Variants in MID1 observed in about 807,000 individuals in gnomAD.
The protein encoded by MID1 is E3 ubiquitin-protein ligase Midline-1.
A neutral mutation model predicts 40.4 loss-of-function variants in MID1; 7 were observed. That is an observed-to-expected ratio of 0.17 (90% CI 0.10 to 0.33). The LOEUF (loss-of-function observed/expected upper bound fraction) is 0.33, where lower values mean the gene tolerates loss of function less well. Among genes scored for constraint, MID1 ranks in the 10% least tolerant of loss-of-function variants. MID1 has a pLI of 1.00. For synonymous variants in MID1, 229 were observed against 221.2 expected (o/e 1.04, Z -0.31); for missense variants, 367 against 558.5 (o/e 0.66, Z 3.46).
chrX:10,473,326 C>T (rs1029150221), intron 6 of MID1, among the ~76,000 whole-genome samples: 4 of 112,234 alleles, frequency 3.6e-5, no homozygotes, highest in African/African-American at 9.7e-5. Context: ...AGTTTAGTTC[C>T]ATACGGTAAA....
intron 3 of MID1, among the ~76,000 whole-genome samples, chrX:10,517,239 C>T (rs1214962363): frequency 1.8e-5 from 2 of 110,784 alleles, no homozygotes; most frequent in Admixed American, 9.6e-5. Context: ...ATTATTTTCC[C>T]GGGGAATGCT....
intron 4 of MID1, among the ~76,000 whole-genome samples, chrX:10,491,856 C>T (rs1420699536): frequency 1.8e-5 from 2 of 111,455 alleles, no homozygotes; most frequent in Non-Finnish European, 3.8e-5. Context: ...TTTAAAAATG[C>T]CCCATGTGTA....
chrX:10,779,306 G>A (rs530452677), intron 1 of MID1, among the ~76,000 whole-genome samples: 161 of 111,478 alleles, frequency 1.4e-3, no homozygotes, highest in African/African-American at 5.2e-3. Context: ...TCAGCTTCCC[G>A]AGTAGCTGGG....
intron 8 of MID1, among the ~76,000 whole-genome samples, chrX:10,456,398 G>C (rs1928670190): frequency 8.9e-6 from 1 of 112,417 alleles, no homozygotes; most frequent in Non-Finnish European, 1.9e-5. Context: ...TATAGTGAGG[G>C]GGCAGCCACG....
In MID1 at chrX:10,805,053, G is replaced by T. The variant is rs186027569; in HGVS notation, c.-187+28501C>A. On this transcript the variant is annotated intron_variant, in intron 1 of 10. Transcript: ENST00000380785. Reference sequence around the variant, plus strand: ...ATTAGGCTCCCAGTAGTTTTTTTTTGTTGTTGTTGTTGTTAATTTTATTAT... The same window carrying T: ...ATTAGGCTCCCAGTAGTTTTTTTTTTTTGTTGTTGTTGTTAATTTTATTAT... Among the ~76,000 whole-genome samples the T allele has an allele frequency of 6.2e-3, 676 of 109,291 alleles. 3 individuals are homozygous for T. The highest frequency in any genetic ancestry group is 0.015 in the East Asian group (50 of 3,440). 94.9% of individuals were successfully genotyped at this position (109,291 alleles called of 115,157 possible). A position where few individuals can be genotyped will look rare whatever the true frequency, so the allele number is the denominator to read the frequency against.
chrX:10,654,096 C>T (rs996260365), intron 1 of MID1, among the ~76,000 whole-genome samples: 26 of 111,624 alleles, frequency 2.3e-4, no homozygotes, highest in African/African-American at 7.8e-4. Context: ...CTGGCAAAGA[C>T]GGAATTCCAG....
intron 1 of MID1, among the ~76,000 whole-genome samples, chrX:10,810,246 T>C (rs2044087688): frequency 8.9e-6 from 1 of 112,355 alleles, no homozygotes; most frequent in Non-Finnish European, 1.9e-5. Context: ...AGAGACCTTT[T>C]GTAAGTGGAA....
intron 2 of MID1, among the ~76,000 whole-genome samples, chrX:10,535,240 C>A (rs1933201286): frequency 8.9e-6 from 1 of 111,740 alleles, no homozygotes; most frequent in South Asian, 3.8e-4. Context: ...GAAAGCTACC[C>A]AGGAGATTCC....
At chrX:10,489,132 T>C (rs1930787369) in intron 4 of MID1, among the ~76,000 whole-genome samples, 1 of 112,288 alleles carries the variant, frequency 8.9e-6, no homozygotes, top group South Asian at 3.7e-4. Flanking sequence ...ATATTCTGGA[T>C]ACAATCCTTT....
intron 1 of MID1, among the ~76,000 whole-genome samples, chrX:10,635,188 A>G (rs1210244956): frequency 8.9e-6 from 1 of 112,213 alleles, no homozygotes; most frequent in Non-Finnish European, 1.9e-5. Flanking sequence ...TTGTCATTCC[A>G]TCTTTGTCAA....
chrX:10,769,264 G>A (rs748543338), intron 1 of MID1, among the ~76,000 whole-genome samples: 6 of 109,512 alleles, frequency 5.5e-5, no homozygotes, highest in Non-Finnish European at 7.6e-5. Flanking sequence ...TTATCCTACC[G>A]CCTTAAAACA....
intron 1 of MID1, among the ~76,000 whole-genome samples, chrX:10,781,831 G>C (rs984587461): frequency 8.9e-6 from 1 of 112,305 alleles, no homozygotes; most frequent in Admixed American, 9.4e-5. Flanking sequence ...AAGCTCTAAA[G>C]GTGTTTTAAG....
At chrX:10,639,996 A>ACCAC (rs1198337170) in intron 1 of MID1, among the ~76,000 whole-genome samples, 1 of 111,986 alleles carries the variant, frequency 8.9e-6, no homozygotes, top group Non-Finnish European at 1.9e-5. Context: ...GGCCTGCCTT[A>ACCAC]CAAGAGCTCC....
At chrX:10,685,199 T>A (rs901673014) in intron 1 of MID1, among the ~76,000 whole-genome samples, 1 of 112,125 alleles carries the variant, frequency 8.9e-6, no homozygotes, top group Non-Finnish European at 1.9e-5. Context: ...TTCATTATAC[T>A]ATAAAGTATT....
intron 1 of MID1, among the ~76,000 whole-genome samples, chrX:10,603,868 C>T (rs943538597): frequency 3.6e-5 from 4 of 111,433 alleles, no homozygotes; most frequent in Admixed American, 2.9e-4. Context: ...AGGAATTCAA[C>T]CAGGATAAGG....
intron 7 of MID1, among the ~76,000 whole-genome samples, chrX:10,465,214 T>TATATATATACACACACACAC (rs1477864693): frequency 2.5e-5 from 1 of 39,900 alleles, no homozygotes. Flanking sequence ...TATATATATA[T>TATATATATACACACACACAC]ACACACACAC....
At chrX:10,467,548 C>T (rs913704902) in intron 7 of MID1, among the ~76,000 whole-genome samples, 8 of 111,948 alleles carry the variant, frequency 7.1e-5, no homozygotes, top group Admixed American at 1.9e-4. Flanking sequence ...GCTATTTCTG[C>T]CTCAGTGAAT....
At chrX:10,472,176 C>T (rs764922176) in intron 6 of MID1, among the ~76,000 whole-genome samples, 204 of 112,448 alleles carry the variant, frequency 1.8e-3, no homozygotes, top group Middle Eastern at 0.014. Context: ...GACTTCATTT[C>T]CTGCTTACAA....
At chrX:10,781,931 T>G (rs2043849248) in intron 1 of MID1, among the ~76,000 whole-genome samples, 1 of 112,271 alleles carries the variant, frequency 8.9e-6, no homozygotes, top group African/African-American at 3.2e-5. Context: ...ATCTTTGCCA[T>G]TTTAAATGCC....
Sources: allele counts gnomAD v4.1 joint callset (sites outside exome capture counted in the v4.1 genomes callset), GRCh38; gene constraint gnomAD v4.1.1; transcripts MANE v1.5; gene names NCBI Gene and HGNC (gene_info 2026-07-23, HGNC 2026-07-21).